Variants in FGF1 observed in about 807,000 individuals in gnomAD.
FGF1 encodes beta-endothelial cell growth factor.
In FGF1, 9 loss-of-function variants were observed where a neutral mutation model predicts 13.4. The ratio of observed to expected loss-of-function variants is 0.67; its 90% CI spans 0.40 to 1.17. The LOEUF (loss-of-function observed/expected upper bound fraction) is 1.17. FGF1 is among the 50% of genes most tolerant of loss of function. The probability of loss-of-function intolerance (pLI) is 0.01; values close to 1 mark genes in which losing one functional copy is unlikely to be tolerated. For missense variants in FGF1, 156 were observed against 192.7 expected (o/e 0.81, Z 1.13); for synonymous variants, 93 against 79.0 (o/e 1.18, Z -0.94).
intron 1 of FGF1, among the ~76,000 whole-genome samples, chr5:142,633,957 G>A (rs996281384): frequency 1.3e-5 from 2 of 151,892 alleles, no homozygotes; most frequent in African/African-American, 4.8e-5. Context: ...GGCCGAGACG[G>A]GCGGATCACG....
Position 142,595,308 on chromosome 5 carries a change from C to T in FGF1, c.450G>A (p.Leu150=). Residue 150 remains leucine (L), a synonymous_variant, in exon 4 of 4, where the codon CTG becomes CTA. Transcript: ENST00000337706. The part of the protein sequence containing the change: ...YGQKAILFLP[L]PVSSD ...GATCTCTTTAATCAGAAGAGACTGG[C>T]AGGGGGAGAAACAAGATTGCTTTCT... is the stretch of plus-strand genomic sequence containing the variant. 6.2e-7 allele frequency: 1 copy of T among 1,613,764 alleles called. No homozygotes were observed. The highest frequency in any genetic ancestry group is 8.5e-7 in the Non-Finnish European group (1 of 1,179,764).
intron 1 of FGF1, among the ~76,000 whole-genome samples, chr5:142,656,681 T>C (rs1768232509): frequency 1.3e-5 from 2 of 152,132 alleles, no homozygotes; most frequent in Non-Finnish European, 2.9e-5. Context: ...TCTAAGCAAA[T>C]AGCAGGCAGC....
At chr5:142,671,064 C>A (rs1201119189) in intron 1 of FGF1, among the ~76,000 whole-genome samples, 1 of 152,192 alleles carries the variant, frequency 6.6e-6, no homozygotes, top group Non-Finnish European at 1.5e-5. Context: ...ACATGCAACA[C>A]AAACTCAAAA....
At chr5:142,595,532 C>T in intron 3 of FGF1, 48 bp from the exon 4 acceptor site, 1 of 1,511,998 alleles carries the variant, frequency 6.6e-7, no homozygotes, top group East Asian at 2.3e-5. Flanking sequence ...TGAGTAGTTT[C>T]ACATGGGGGT....
intron 2 of FGF1, among the ~76,000 whole-genome samples, chr5:142,608,806 T>C (rs1240087640): frequency 6.7e-6 from 1 of 149,480 alleles, no homozygotes; most frequent in Non-Finnish European, 1.5e-5. Context: ...TATGTGTGTG[T>C]GTGTGTGTGT....
At position 142,595,364 on chromosome 5, in the gene FGF1, A is replaced by G; in HGVS notation, c.394T>C (p.Cys132Arg). 1 of 1,614,120 alleles carries G rather than the reference A, an allele frequency of 6.2e-7. No individual in the cohort carries two copies. Among genetic ancestry groups the G allele is most frequent in the Non-Finnish European group, 8.5e-7 (1 of 1,179,972 alleles). The stretch of plus-strand genomic sequence containing the variant: ...TAGTGAGTCCGAGGACCGCGTTTGC[A>G]GCTCCCATTCTTCTTGAGGCCAACA... ...WFVGLKKNGS[C>R]KRGPRTHYGQ... The change falls in exon 4 of 4, where the codon TGC becomes CGC. Residue 132 changes from cysteine to arginine, a missense_variant. Physicochemically the swap from Cys to Arg is radical, Grantham distance 180. Transcript: ENST00000337706.
At position 142,606,210 on chromosome 5, in the gene FGF1, TTCTC is replaced by T. The variant is rs66960743; in HGVS notation, c.170-5409_170-5406del. Among the ~76,000 whole-genome samples the T allele has an allele frequency of 2.8e-3, 264 of 95,794 alleles. 3 individuals carry two copies. Among genetic ancestry groups the T allele is most frequent in the African/African-American group, 0.01 (255 of 25,254 alleles). 62.8% of individuals were successfully genotyped at this position (95,794 alleles called of 152,430 possible). Reference sequence around the variant, plus strand: ...AAAAGCACAAAATCTGCAACATTCTTTCTCTCTCTGTGTGTGTGTGTGTGTGTGT... The same window carrying T: ...AAAAGCACAAAATCTGCAACATTCTTTCTCTGTGTGTGTGTGTGTGTGTGT... On this transcript the variant is annotated intron_variant, in intron 2 of 3. Transcript: ENST00000337706.
chr5:142,645,230 CG>C (rs1765817051), intron 1 of FGF1, among the ~76,000 whole-genome samples: 2 of 152,120 alleles, frequency 1.3e-5, no homozygotes, highest in Non-Finnish European at 2.9e-5. Flanking sequence ...TCCCTGATGG[CG>C]GATGAGAACG....
intron 3 of FGF1, among the ~76,000 whole-genome samples, chr5:142,597,851 A>G (rs927077767): frequency 6.6e-6 from 1 of 152,206 alleles, no homozygotes; most frequent in Non-Finnish European, 1.5e-5. Context: ...TGCAAATAAT[A>G]GGTGCTCACC....
intron 1 of FGF1, among the ~76,000 whole-genome samples, chr5:142,681,677 A>G (rs572219221): frequency 5.7e-4 from 87 of 152,190 alleles, no homozygotes; most frequent in Non-Finnish European, 9.0e-4. Context: ...AATCCCCCCA[A>G]ACCATATACA....
intron 1 of FGF1, among the ~76,000 whole-genome samples, chr5:142,647,258 C>A (rs981227818): frequency 6.6e-6 from 1 of 152,198 alleles, no homozygotes; most frequent in African/African-American, 2.4e-5. Flanking sequence ...CTGAAGTTAA[C>A]CACTGGAACA....
chr5:142,678,910 G>A (rs1302864756), intron 1 of FGF1, among the ~76,000 whole-genome samples: 1 of 152,142 alleles, frequency 6.6e-6, no homozygotes, highest in Non-Finnish European at 1.5e-5. Flanking sequence ...TGTTGAGGAA[G>A]GACTATGGCT....
At chr5:142,605,390 G>A (rs551178720) in intron 2 of FGF1, among the ~76,000 whole-genome samples, 8 of 151,836 alleles carry the variant, frequency 5.3e-5, no homozygotes, top group African/African-American at 1.7e-4. Context: ...CAAAATGCCG[G>A]GATTACAGGC....
At chr5:142,686,649 A>T (rs1040059578), upstream of FGF1, among the ~76,000 whole-genome samples, 1 of 152,058 alleles carries the variant, frequency 6.6e-6, no homozygotes, top group African/African-American at 2.4e-5. Context: ...CATGGGGTGT[A>T]GGTGTCTGTG....
In FGF1 at chr5:142,674,143, A is replaced by G. The variant is rs1158082715; in HGVS notation, c.-35+11814T>C. ...CTCAGAGAGGCTCCCCTCCCCTCCC[A>G]ATGTATAATAGCTTTCCCTGTCCTG... On this transcript the variant is annotated intron_variant, in intron 1 of 3. Transcript: ENST00000337706. Among the ~76,000 whole-genome samples the G allele has an allele frequency of 2.0e-5, 3 of 152,130 alleles. No individual in the cohort carries two copies. In the East Asian group the frequency reaches 5.8e-4, roughly 29 times the overall value.
chr5:142,649,601 G>T (rs1766835436), intron 1 of FGF1, among the ~76,000 whole-genome samples: 1 of 151,954 alleles, frequency 6.6e-6, no homozygotes, highest in Non-Finnish European at 1.5e-5. Flanking sequence ...TAGAGATGGG[G>T]TTTCTCCATG....
chr5:142,606,218 C>CTGTGTGTGTG (rs61445131), intron 2 of FGF1, among the ~76,000 whole-genome samples: 5,843 of 143,070 alleles, frequency 0.041, 120 homozygotes, highest in Non-Finnish European at 0.048. Context: ...CTTTCTCTCT[C>CTGTGTGTGTG]TGTGTGTGTG....
At chr5:142,611,114 T>G (rs562398705) in intron 2 of FGF1, among the ~76,000 whole-genome samples, 1 of 152,188 alleles carries the variant, frequency 6.6e-6, no homozygotes, top group African/African-American at 2.4e-5. Context: ...GATCAAGGAA[T>G]CAAAAATATC....
At chr5:142,660,993 A>C (rs933414516) in intron 1 of FGF1, among the ~76,000 whole-genome samples, 1 of 152,236 alleles carries the variant, frequency 6.6e-6, no homozygotes, top group African/African-American at 2.4e-5. Context: ...GTTTAAAGGC[A>C]GGATATGTGG....
Sources: gnomAD v4.1 joint callset for allele counts (sites outside exome capture counted in the v4.1 genomes callset) on GRCh38, gnomAD v4.1.1 for gene constraint, MANE v1.5 for transcripts, NCBI Gene and HGNC (gene_info 2026-07-23, HGNC 2026-07-21) for gene names.